Variants in NRROS observed in about 807,000 individuals in gnomAD.
The protein encoded by NRROS is negative regulator of reactive oxygen species.
A neutral mutation model predicts 12.0 loss-of-function variants in NRROS; 6 were observed. That is an observed-to-expected ratio of 0.50 (90% CI 0.27 to 0.98). NRROS has a LOEUF of 0.98. Ranked by LOEUF, NRROS falls within the 50% of genes least tolerant of loss-of-function variation. The pLI, the probability that NRROS is intolerant of heterozygous loss-of-function variation, is 0.11. For missense variants in NRROS, 857 were observed against 888.2 expected, an observed-to-expected ratio of 0.96 and a Z score of 0.45; for synonymous variants, 462 against 410.2, an observed-to-expected ratio of 1.13 and a Z score of -1.53.
intron 2 of NRROS, among the ~76,000 whole-genome samples, chr3:196,657,778 T>C (rs1737570886): frequency 6.6e-6 from 1 of 150,466 alleles, no homozygotes; most frequent in Admixed American, 6.6e-5. Context: ...CCAATCAAAA[T>C]ACCAAAGAGG....
chr3:196,660,659 A>G lies in NRROS; in HGVS notation c.1016A>G (p.Gln339Arg). The G allele has an allele frequency of 6.2e-7, 1 of 1,614,204 alleles. No individual in the cohort carries two copies. The highest frequency in any genetic ancestry group is 1.6e-4 in the Middle Eastern group (1 of 6,062). Residue 339 changes from glutamine (Q) to arginine (R), a missense_variant, in exon 3 of 3, where the codon CAG (glutamine) becomes CGG (arginine). Coordinates refer to ENST00000328557, the MANE Select transcript of NRROS (RefSeq NM_198565.3). The surrounding 1 kb of genome is among the most constrained non-coding windows in gnomAD (Gnocchi z 7.7). ...DLRFLDMSQN[Q>R]FQYLPDGFLR... Reference sequence around the variant, plus strand: ...CGCTTCCTGGACATGAGCCAGAACCAGTTCCAGTACCTGCCAGACGGCTTC... The same window carrying G: ...CGCTTCCTGGACATGAGCCAGAACCGGTTCCAGTACCTGCCAGACGGCTTC...
In NRROS at chr3:196,660,619, G is replaced by A. The variant is rs373554728; in HGVS notation, c.976G>A (p.Asp326Asn). 6.8e-6 allele frequency: 11 copies of A among 1,614,056 alleles called. No homozygotes were observed. Among genetic ancestry groups the A allele is most frequent in the Non-Finnish European group, 9.3e-6 (11 of 1,180,040 alleles). ...CCTCTGGGAAGAATTCTCCTCCAGC[G>A]ACCTCGCAGATCTCCGCTTCCTGGA... ...VSLWEEFSSS[D>N]LADLRFLDMS... Residue 326 changes from aspartate to asparagine, a missense_variant, in exon 3 of 3, where the codon GAC becomes AAC. Transcript: ENST00000328557. The surrounding 1 kb of genome is among the most constrained non-coding windows in gnomAD (Gnocchi z 7.7).
Position 196,653,602 on chromosome 3 carries a change from C to T in NRROS, c.-13-925C>T, listed in dbSNP as rs573492837. Among the ~76,000 whole-genome samples the T allele has an allele frequency of 2.5e-3, 385 of 152,364 alleles. 1 individual carries two copies. The highest frequency in any genetic ancestry group is 4.6e-3 in the Non-Finnish European group (316 of 68,042). ...ACTGGGCGTCAGGTCCCCAGCAGGG[C>T]AGCAGTGAGTGCAGCCTCGCTGCTG... is the stretch of plus-strand genomic sequence containing the variant. On this transcript the variant is annotated intron_variant, in intron 1 of 2. Coordinates refer to ENST00000328557, the MANE Select transcript of NRROS (RefSeq NM_198565.3).
At chr3:196,652,962 T>C (rs2108639668) in intron 1 of NRROS, among the ~76,000 whole-genome samples, 1 of 152,314 alleles carries the variant, frequency 6.6e-6, no homozygotes, top group East Asian at 1.9e-4. Flanking sequence ...TTTGTTAGTA[T>C]AAGGATGTAT....
chr3:196,643,438 C>A (rs1737246429), intron 1 of NRROS, among the ~76,000 whole-genome samples: 1 of 152,186 alleles, frequency 6.6e-6, no homozygotes, highest in Non-Finnish European at 1.5e-5. Flanking sequence ...CTGGTGAGGT[C>A]ACAGGGACTC....
chr3:196,649,392 C>T (rs558195085), intron 1 of NRROS, among the ~76,000 whole-genome samples: 2 of 152,330 alleles, frequency 1.3e-5, no homozygotes, highest in South Asian at 4.1e-4. Context: ...CCATGAGTGT[C>T]ACTGTCACAC....
Position 196,656,597 on chromosome 3 carries a change from C to T in NRROS, c.108+1950C>T, listed in dbSNP as rs180912317. Among the ~76,000 whole-genome samples the T allele has an allele frequency of 1.2e-4, 18 of 152,332 alleles. No individual in the cohort carries two copies. The East Asian group carries it at 2.3e-3, about 20-fold the overall frequency. The stretch of plus-strand genomic sequence containing the variant: ...GTGCTACGCGTTTTATCCGTTATCA[C>T]TCATATTATTATTAATCTCTGCTAT... On this transcript the variant is annotated intron_variant, in intron 2 of 2. Coordinates refer to ENST00000328557, the MANE Select transcript of NRROS (RefSeq NM_198565.3).
rs558194945 is a variant in NRROS at position 196,643,870 on chromosome 3, G to A, written c.-14+3995G>A. Among the ~76,000 whole-genome samples the A allele has an allele frequency of 1.3e-4, 20 of 152,316 alleles. No individual in the cohort carries two copies. In the South Asian group the frequency reaches 2.5e-3, roughly 19 times the overall value. Reference sequence around the variant, plus strand: ...CTGAGCCCTTTCCCTCGGCCCTGCAGTGTCTCCCCTCTGTGGTCGTCAGAC... The same window carrying A: ...CTGAGCCCTTTCCCTCGGCCCTGCAATGTCTCCCCTCTGTGGTCGTCAGAC... On this transcript the variant is annotated intron_variant, in intron 1 of 2. Transcript: ENST00000328557.
rs1336600910 is a variant in NRROS, at chr3:196,659,737, T to G, written c.109-15T>G. Reference sequence around the variant, plus strand: ...TGGGCCTCCTCGCTGCTGACCGGTGTGGTTTTGGCCGCAGGTGGGTGGAGC... The same window carrying G: ...TGGGCCTCCTCGCTGCTGACCGGTGGGGTTTTGGCCGCAGGTGGGTGGAGC... On this transcript the variant is annotated splice_polypyrimidine_tract_variant and intron_variant, in intron 2 of 2. Transcript: ENST00000328557. 7.5e-6 allele frequency: 12 copies of G among 1,598,230 alleles called. No individual in the cohort carries two copies. Among genetic ancestry groups the G allele is most frequent in the Non-Finnish European group, 1.0e-5 (12 of 1,170,734 alleles).
rs1433215511 is a variant in NRROS at position 196,639,719 on chromosome 3, T to A, written c.-170T>A. On this transcript the variant is annotated 5_prime_UTR_variant, in exon 1 of 3. An upstream start codon of the reference 5' UTR is lost. Transcript: ENST00000328557. Reference sequence around the variant, plus strand: ...GAGTCGCCGAGCAGCCCGCTCTCCATGTGACTTCAGTTTCCGTCCGTTCCT... The same window carrying A: ...GAGTCGCCGAGCAGCCCGCTCTCCAAGTGACTTCAGTTTCCGTCCGTTCCT... 6.6e-6 allele frequency: 1 copy of A among 152,198 alleles called. No homozygotes were observed. The allele number at this position is 152,198 out of a possible 1,614,324, so 9.4% of individuals were successfully genotyped here. A position where few individuals can be genotyped will look rare whatever the true frequency, so the allele number is the denominator to read the frequency against.
chr3:196,648,784 A>AAAG (rs1328660103), intron 1 of NRROS, among the ~76,000 whole-genome samples: 10 of 151,514 alleles, frequency 6.6e-5, no homozygotes, highest in African/African-American at 2.4e-4. Flanking sequence ...AAAAAAAAAA[A>AAAG]AAAAAATTCC....
At chr3:196,644,769 C>CAAAA (rs57304721) in intron 1 of NRROS, among the ~76,000 whole-genome samples, 7 of 109,196 alleles carry the variant, frequency 6.4e-5, no homozygotes, top group Non-Finnish European at 1.3e-4. Context: ...GAGACTCTGT[C>CAAAA]AAAAAAAAAA....
At position 196,660,282 on chromosome 3, in the gene NRROS, C is replaced by T. The variant is rs772151193; in HGVS notation, c.639C>T (p.Ala213=). The change falls in exon 3 of 3, where the codon GCC becomes GCT. Residue 213 remains alanine (A), a synonymous_variant. Transcript: ENST00000328557. This position sits in a 1 kb window ranked among gnomAD's most constrained non-coding sequence, Gnocchi z 7.7. ...GLAELRHLNL[A]FNNLPCIVDF... ...CTGAGCTGAGGCACCTCAACCTGGC[C>T]TTCAACAACCTCCCCTGCATCGTGG... 1.4e-4 allele frequency: 223 copies of T among 1,613,842 alleles called. No homozygotes were observed. Among genetic ancestry groups the T allele is most frequent in the Non-Finnish European group, 1.8e-4 (207 of 1,180,034 alleles).
Position 196,660,897 on chromosome 3 carries a change from C to G in NRROS, c.1254C>G (p.Pro418=). 1.9e-6 allele frequency: 3 copies of G among 1,614,162 alleles called. No individual in the cohort carries two copies. Among genetic ancestry groups the G allele is most frequent in the South Asian group, 1.1e-5 (1 of 91,086 alleles). The change falls in exon 3 of 3, where the codon CCC becomes CCG. Residue 418 remains proline (P), a synonymous_variant. Transcript: ENST00000328557. This position sits in a 1 kb window ranked among gnomAD's most constrained non-coding sequence, Gnocchi z 7.7. ...GCTCCAACCAGCTCCTGGGCGTCCC[C>G]CCTGGCCTCTTCGCCAATGCTAGGA... The part of the protein sequence containing the change: ...NLSSNQLLGV[P]PGLFANARNI...
At chr3:196,641,498 A>T (rs1410576956) in intron 1 of NRROS, among the ~76,000 whole-genome samples, 1 of 152,188 alleles carries the variant, frequency 6.6e-6, no homozygotes, top group Non-Finnish European at 1.5e-5. Context: ...TGTGGGCGTG[A>T]GTCACCGCCC....
intron 1 of NRROS, among the ~76,000 whole-genome samples, chr3:196,645,918 G>A (rs1395986796): frequency 6.6e-6 from 1 of 152,218 alleles, no homozygotes; most frequent in Non-Finnish European, 1.5e-5. Flanking sequence ...CCAGCTTGCT[G>A]TTTGCACAGA....
At chr3:196,656,561 G>C (rs1737540976) in intron 2 of NRROS, among the ~76,000 whole-genome samples, 1 of 152,186 alleles carries the variant, frequency 6.6e-6, no homozygotes, top group Non-Finnish European at 1.5e-5. Context: ...ACAGTGCCTG[G>C]TAGGTAGTCA....
chr3:196,656,304 T>C (rs1737536507), intron 2 of NRROS, among the ~76,000 whole-genome samples: 2 of 152,368 alleles, frequency 1.3e-5, no homozygotes, highest in Non-Finnish European at 2.9e-5. Context: ...ATAGCTGTCA[T>C]GGTTTTTAAC....
chr3:196,657,955 A>G (rs568542334), intron 2 of NRROS, among the ~76,000 whole-genome samples: 2 of 152,176 alleles, frequency 1.3e-5, no homozygotes, highest in African/African-American at 4.8e-5. Context: ...GTCACACTTG[A>G]TCCTGAAAAA....
Sources: gnomAD v4.1 joint callset for allele counts (sites outside exome capture counted in the v4.1 genomes callset) on GRCh38, gnomAD v4.1.1 for gene constraint, Gnocchi (gnomAD v3.1) non-coding constraint, MANE v1.5 for transcripts, NCBI Gene and HGNC (gene_info 2026-07-23, HGNC 2026-07-21) for gene names.